ZFHX3: variants seen among roughly 807,000 people sequenced by gnomAD.
ZFHX3 encodes the protein zinc finger homeobox 3, also known as zinc finger homeobox protein 3.
Under a neutral mutation model 279.1 loss-of-function variants are expected in ZFHX3, and 42 were observed. The ratio of observed to expected loss-of-function variants is 0.15; its 90% CI spans 0.12 to 0.19. The LOEUF (loss-of-function observed/expected upper bound fraction) is 0.19. Among genes scored for constraint, ZFHX3 ranks in the 10% least tolerant of loss-of-function variants. ZFHX3 has a pLI of 1.00. For missense variants in ZFHX3, 4,981 were observed against 4,754.0 expected (o/e 1.05, Z -1.40); for synonymous variants, 2,293 against 1,957.8 (o/e 1.17, Z -4.52).
At chr16:72,935,438 A>G (rs1960065969) in intron 3 of ZFHX3, among the ~76,000 whole-genome samples, 1 of 152,242 alleles carries the variant, frequency 6.6e-6, no homozygotes, top group Middle Eastern at 3.4e-3. Flanking sequence ...TTAAATTTCT[A>G]TGTTTAAGAT....
At chr16:73,491,723 T>C (rs762167836) in intron 2 of ZFHX3, among the ~76,000 whole-genome samples, 5 of 152,066 alleles carry the variant, frequency 3.3e-5, no homozygotes, top group African/African-American at 4.8e-5. Context: ...AGGGACAAAA[T>C]TGCACTTAGC....
chr16:73,636,210 C>T (rs1331387678), intron 2 of ZFHX3, among the ~76,000 whole-genome samples: 1 of 152,244 alleles, frequency 6.6e-6, no homozygotes. Context: ...TACTAGACTC[C>T]TCAAGATCAT....
chr16:73,300,575 C>T (rs1480724818), intron 4 of ZFHX3, among the ~76,000 whole-genome samples: 1 of 151,984 alleles, frequency 6.6e-6, no homozygotes, highest in African/African-American at 2.4e-5. Flanking sequence ...GTGATCTTGG[C>T]TTATTGCAAC....
At chr16:73,787,739 A>T (rs1959690722) in intron 1 of ZFHX3, among the ~76,000 whole-genome samples, 1 of 151,952 alleles carries the variant, frequency 6.6e-6, no homozygotes. Flanking sequence ...TTCATAATGT[A>T]CTCACCACAA....
At chr16:73,721,862 T>C (rs1008257454) in intron 1 of ZFHX3, among the ~76,000 whole-genome samples, 7 of 152,218 alleles carry the variant, frequency 4.6e-5, no homozygotes, top group Admixed American at 4.6e-4. Flanking sequence ...CTGGACAACA[T>C]AGCAAAACCC....
chr16:72,940,208 C>T (rs1025957690), intron 3 of ZFHX3, among the ~76,000 whole-genome samples: 2 of 152,180 alleles, frequency 1.3e-5, no homozygotes, highest in South Asian at 2.1e-4. Flanking sequence ...TGGCCCCAAA[C>T]AAGTTTTTTA....
At chr16:73,792,015 G>A (rs1394848976) in intron 1 of ZFHX3, among the ~76,000 whole-genome samples, 3 of 152,142 alleles carry the variant, frequency 2.0e-5, no homozygotes, top group African/African-American at 4.8e-5. Flanking sequence ...CAATGGCAGA[G>A]CCAGAATGAA....
At chr16:73,362,407 C>G (rs2016448311) in intron 3 of ZFHX3, among the ~76,000 whole-genome samples, 1 of 152,194 alleles carries the variant, frequency 6.6e-6, no homozygotes, top group South Asian at 2.1e-4. Context: ...GCCAGAGGAA[C>G]AGTTGAGAGT....
At chr16:73,236,335 C>T (rs1038374110) in intron 5 of ZFHX3, among the ~76,000 whole-genome samples, 8 of 152,174 alleles carry the variant, frequency 5.3e-5, no homozygotes, top group Admixed American at 2.6e-4. Flanking sequence ...CAGTGGCTCA[C>T]GCCTGTAATC....
chr16:72,893,795 G>A (rs2038828782), intron 3 of ZFHX3, among the ~76,000 whole-genome samples: 1 of 152,156 alleles, frequency 6.6e-6, no homozygotes. Flanking sequence ...ATTCATGAAA[G>A]ATTCATTCAA....
chr16:73,222,291 A>C (rs1311997856), intron 5 of ZFHX3, among the ~76,000 whole-genome samples: 1 of 152,078 alleles, frequency 6.6e-6, no homozygotes, highest in Non-Finnish European at 1.5e-5. Flanking sequence ...AGATTTTTTC[A>C]CAGATGATAT....
intron 1 of ZFHX3, among the ~76,000 whole-genome samples, chr16:72,989,487 A>G (rs1457551229): frequency 6.6e-6 from 1 of 152,090 alleles, no homozygotes; most frequent in African/African-American, 2.4e-5. Flanking sequence ...CAAAAAAAAA[A>G]AAAAGAAACC....
intron 5 of ZFHX3, among the ~76,000 whole-genome samples, chr16:73,163,804 A>T (rs944630637): frequency 2.2e-4 from 33 of 152,348 alleles, no homozygotes; most frequent in African/African-American, 7.2e-4. Flanking sequence ...AACTTTCCAT[A>T]TCAATATTTT....
At position 73,095,866 on chromosome 16, in the gene ZFHX3, T is replaced by C. The variant is rs775595209; in HGVS notation, c.-896-2268A>G. On this transcript the variant is annotated intron_variant, in intron 7 of 17. Transcript: ENST00000641206. The stretch of plus-strand genomic sequence containing the variant: ...GGGAAAAGAATCCCGGCCCCTTCTT[T>C]TTAATAAACCATTTTCAACAGAGCT... Among the ~76,000 whole-genome samples the C allele has an allele frequency of 7.9e-5, 12 of 152,230 alleles. No homozygotes were observed. The South Asian group carries it at 1.0e-3, about 13-fold the overall frequency.
chr16:73,414,551 T>C (rs540827301), intron 3 of ZFHX3, among the ~76,000 whole-genome samples: 258 of 152,352 alleles, frequency 1.7e-3, no homozygotes, highest in Non-Finnish European at 2.9e-3. Context: ...AAGTTCTTTA[T>C]TTAAAAAGGG....
intron 4 of ZFHX3, among the ~76,000 whole-genome samples, chr16:73,305,799 T>A (rs2143146825): frequency 6.6e-6 from 1 of 152,274 alleles, no homozygotes; most frequent in East Asian, 1.9e-4. Flanking sequence ...TAACATCTCA[T>A]GATGGTAGAA....
intron 3 of ZFHX3, among the ~76,000 whole-genome samples, chr16:72,928,592 A>T (rs961144308): frequency 2.0e-5 from 3 of 152,078 alleles, no homozygotes; most frequent in African/African-American, 7.2e-5. Context: ...CCCAAACCAG[A>T]TGCCTGTTCA....
At chr16:73,830,381 G>C (rs1960960895) in intron 1 of ZFHX3, among the ~76,000 whole-genome samples, 1 of 151,846 alleles carries the variant, frequency 6.6e-6, no homozygotes, top group Non-Finnish European at 1.5e-5. Context: ...CGCTCACGCT[G>C]GGAGCTGTAG....
chr16:73,031,369 A>G (rs1250489976), intron 1 of ZFHX3, among the ~76,000 whole-genome samples: 1 of 152,102 alleles, frequency 6.6e-6, no homozygotes, highest in African/African-American at 2.4e-5. Flanking sequence ...GAAGTTCCCG[A>G]GTGTTTCTAG....
Sources: gnomAD v4.1 joint callset for allele counts (sites outside exome capture counted in the v4.1 genomes callset) on GRCh38, gnomAD v4.1.1 for gene constraint, MANE v1.5 for transcripts, NCBI Gene and HGNC (gene_info 2026-07-23, HGNC 2026-07-21) for gene names.